Variants in CDKAL1 observed in about 807,000 individuals in gnomAD.
The protein encoded by CDKAL1 is threonylcarbamoyladenosine tRNA methylthiotransferase.
CDKAL1 carries 32 observed loss-of-function variants against 68.2 expected under a neutral mutation model. The ratio of observed to expected loss-of-function variants is 0.47; its 90% CI spans 0.35 to 0.63. The LOEUF (loss-of-function observed/expected upper bound fraction) is 0.63, where lower values mean the gene tolerates loss of function less well. CDKAL1 is among the 30% of genes least tolerant of loss of function. The probability of loss-of-function intolerance (pLI) is 0.00; values close to 1 mark genes in which losing one functional copy is unlikely to be tolerated. For missense variants in CDKAL1, 606 were observed against 696.7 expected, an observed-to-expected ratio of 0.87 and a Z score of 1.47; for synonymous variants, 234 against 244.3, an observed-to-expected ratio of 0.96 and a Z score of 0.39.
At chr6:20,736,637 T>A (rs1459883632) in intron 5 of CDKAL1, among the ~76,000 whole-genome samples, 1 of 151,852 alleles carries the variant, frequency 6.6e-6, no homozygotes, top group East Asian at 1.9e-4. Context: ...CCGGGCCTGG[T>A]GGTGGGCACC....
At chr6:20,829,912 A>G (rs985280231) in intron 8 of CDKAL1, among the ~76,000 whole-genome samples, 1 of 152,234 alleles carries the variant, frequency 6.6e-6, no homozygotes, top group Non-Finnish European at 1.5e-5. Flanking sequence ...TCTCACTTGC[A>G]GTGGCACAAT....
At chr6:20,914,417 G>A (rs951578832) in intron 9 of CDKAL1, among the ~76,000 whole-genome samples, 2 of 151,966 alleles carry the variant, frequency 1.3e-5, no homozygotes, top group South Asian at 2.1e-4. Flanking sequence ...ATCTCTTACC[G>A]AGTTTTATGG....
rs141705675 is a variant in CDKAL1, at chr6:21,169,157, T to A, written c.1300-28864T>A. On this transcript the variant is annotated intron_variant, in intron 13 of 15. Transcript: ENST00000274695. The stretch of plus-strand genomic sequence containing the variant: ...TCTACAAGTTGGGCATTAAAAAAAA[T>A]ACAACTGGAATATTTTACAAAGTCT... Among the ~76,000 whole-genome samples the A allele has an allele frequency of 4.5e-3, 682 of 152,198 alleles. 8 individuals are homozygous for A. The highest frequency in any genetic ancestry group is 0.014 in the African/African-American group (594 of 41,526).
chr6:21,019,330 C>A (rs1036779055), intron 11 of CDKAL1, among the ~76,000 whole-genome samples: 13 of 152,112 alleles, frequency 8.5e-5, no homozygotes, highest in African/African-American at 3.1e-4. Context: ...TTGAGTTACT[C>A]CTTTTCTGTC....
chr6:20,758,583 T>A lies in CDKAL1; in HGVS notation c.469-12T>A, dbSNP rs1774333618. ...GTAAATTACTTGTGTAATCGTTTTT[T>A]TTTTTTTCCAGGTTCAGCAGATAGA... On this transcript the variant is annotated splice_polypyrimidine_tract_variant and intron_variant, in intron 6 of 15. Coordinates refer to ENST00000274695, the MANE Select transcript of CDKAL1 (RefSeq NM_017774.3). 1 of 1,597,392 alleles carries A rather than the reference T, an allele frequency of 6.3e-7. No homozygotes were observed. The highest frequency in any genetic ancestry group is 1.2e-5 in the South Asian group (1 of 86,450).
chr6:20,600,789 C>CAT (rs58795499), intron 4 of CDKAL1, among the ~76,000 whole-genome samples: 8 of 130,480 alleles, frequency 6.1e-5, no homozygotes, highest in African/African-American at 2.4e-4. Context: ...TATATATATA[C>CAT]ACACACACAC....
At chr6:21,059,437 G>A (rs1197667202) in intron 11 of CDKAL1, among the ~76,000 whole-genome samples, 1 of 152,212 alleles carries the variant, frequency 6.6e-6, no homozygotes, top group Non-Finnish European at 1.5e-5. Flanking sequence ...GGTGGCATGG[G>A]CTCACAGGGG....
In CDKAL1 at chr6:20,739,624, G is replaced by T. The variant is rs769633828; in HGVS notation, c.468+9G>T. 1 of 1,534,736 alleles carries T rather than the reference G, an allele frequency of 6.5e-7. No individual in the cohort carries two copies. ...GACTGAGTATCATTGGGGTAAGCTT[G>T]TACCTGATGCAAAAAGAGAAAATCT... On this transcript the variant is annotated intron_variant, in intron 6 of 15. Transcript: ENST00000274695.
chr6:20,638,664 T>G (rs1416852486), intron 4 of CDKAL1, among the ~76,000 whole-genome samples: 1 of 150,300 alleles, frequency 6.7e-6, no homozygotes, highest in African/African-American at 2.5e-5. Flanking sequence ...CAGGCTGGAG[T>G]GCAGTGGCGC....
At chr6:20,924,562 C>T (rs1225085865) in intron 9 of CDKAL1, among the ~76,000 whole-genome samples, 1 of 152,218 alleles carries the variant, frequency 6.6e-6, no homozygotes, top group Non-Finnish European at 1.5e-5. Context: ...TTTGAGTGGT[C>T]TAGATAGACG....
chr6:20,702,803 A>G (rs1771427952), intron 5 of CDKAL1, among the ~76,000 whole-genome samples: 1 of 152,098 alleles, frequency 6.6e-6, no homozygotes, highest in Non-Finnish European at 1.5e-5. Context: ...TGAAGGCAGG[A>G]GTGCCTGTCC....
chr6:20,800,907 C>T (rs1776339471), intron 8 of CDKAL1, among the ~76,000 whole-genome samples: 1 of 152,018 alleles, frequency 6.6e-6, no homozygotes, highest in South Asian at 2.1e-4. Context: ...AGCCACCACA[C>T]CCAACCAACT....
intron 13 of CDKAL1, among the ~76,000 whole-genome samples, chr6:21,140,632 C>T (rs541892869): frequency 3.3e-5 from 5 of 152,100 alleles, no homozygotes; most frequent in African/African-American, 1.2e-4. Flanking sequence ...ACTGGCATTA[C>T]GCTCCCAGGG....
intron 11 of CDKAL1, among the ~76,000 whole-genome samples, chr6:21,024,357 A>G (rs923095105): frequency 6.6e-6 from 1 of 152,158 alleles, no homozygotes; most frequent in African/African-American, 2.4e-5. Context: ...TTAAAAATGC[A>G]GCTGAAGAGG....
At chr6:20,939,947 T>A (rs773689301) in intron 9 of CDKAL1, among the ~76,000 whole-genome samples, 2 of 152,210 alleles carry the variant, frequency 1.3e-5, no homozygotes, top group Non-Finnish European at 2.9e-5. Context: ...AAGCAATTTG[T>A]AGATAGAAAT....
At chr6:20,703,345 A>T (rs1771455507) in intron 5 of CDKAL1, among the ~76,000 whole-genome samples, 2 of 152,160 alleles carry the variant, frequency 1.3e-5, no homozygotes, top group South Asian at 2.1e-4. Context: ...AGTAGTTACG[A>T]TAGAGACTAT....
At chr6:20,682,152 G>A (rs535611979) in intron 5 of CDKAL1, among the ~76,000 whole-genome samples, 337 of 152,244 alleles carry the variant, frequency 2.2e-3, no homozygotes, top group African/African-American at 7.8e-3. Context: ...ATATGAATTT[G>A]GGGGGGACAC....
chr6:20,728,666 C>T (rs906398144), intron 5 of CDKAL1, among the ~76,000 whole-genome samples: 6 of 152,068 alleles, frequency 3.9e-5, no homozygotes, highest in Admixed American at 3.9e-4. Flanking sequence ...CCTCAGTTTC[C>T]TCTTTCATAA....
At chr6:21,185,001 A>G (rs1393989985) in intron 13 of CDKAL1, among the ~76,000 whole-genome samples, 1 of 151,880 alleles carries the variant, frequency 6.6e-6, no homozygotes, top group Non-Finnish European at 1.5e-5. Context: ...CTTAGTTCCT[A>G]CAATGCAGTA....
Sources: allele counts gnomAD v4.1 joint callset (sites outside exome capture counted in the v4.1 genomes callset), GRCh38; gene constraint gnomAD v4.1.1; transcripts MANE v1.5; gene names NCBI Gene and HGNC (gene_info 2026-07-23, HGNC 2026-07-21).